TAS2R1: variants seen among roughly 807,000 people sequenced by gnomAD.
TAS2R1 encodes the protein taste 2 receptor member 1.
For missense variants in TAS2R1, 370 were observed against 353.4 expected, an observed-to-expected ratio of 1.05 and a Z score of -0.38; for synonymous variants, 141 against 134.2, an observed-to-expected ratio of 1.05 and a Z score of -0.35.
intron 1 of TAS2R1, among the ~76,000 whole-genome samples, chr5:9,700,838 G>A (rs147395066): frequency 8.6e-5 from 13 of 152,018 alleles, no homozygotes; most frequent in African/African-American, 2.4e-4. Context: ...TCAGGATGCC[G>A]GTCATGTTAG....
At chr5:9,886,058 G>A in the TAS2R1 span, among the ~76,000 whole-genome samples, 1 of 149,672 alleles carries the variant, frequency 6.7e-6, no homozygotes, top group Non-Finnish European at 1.5e-5. Flanking sequence ...TGGAGACGGA[G>A]TCTTGCTCTG....
At position 9,630,057 on chromosome 5, in the gene TAS2R1, T is replaced by A. The variant is rs1173694896; in HGVS notation, c.-25A>T. 2.7e-6 allele frequency: 4 copies of A among 1,509,258 alleles called. No individual in the cohort carries two copies. The highest frequency in any genetic ancestry group is 3.5e-6 in the Non-Finnish European group (4 of 1,131,046). The allele number at this position is 1,509,258 out of a possible 1,614,324, so 93.5% of individuals were successfully genotyped here. On this transcript the variant is annotated 5_prime_UTR_variant, in exon 1 of 1. Coordinates refer to ENST00000382492, the MANE Select transcript of TAS2R1 (RefSeq NM_019599.3). ...TTTTAGGAATAAAAAATTATTTACTTAAAAAATAATGAAGTTATAAAGTTT... is the reference window on the plus strand; with the variant it reads ...TTTTAGGAATAAAAAATTATTTACTAAAAAAATAATGAAGTTATAAAGTTT...
chr5:9,805,430 A>C, the TAS2R1 span, among the ~76,000 whole-genome samples: 30,036 of 151,934 alleles, frequency 0.2, 3,461 homozygotes, highest in Middle Eastern at 0.31. Context: ...AAACCAGGGA[A>C]AGACATAACC....
the TAS2R1 span, among the ~76,000 whole-genome samples, chr5:9,801,968 G>A: frequency 1.3e-5 from 2 of 152,124 alleles, no homozygotes; most frequent in African/African-American, 2.4e-5. Flanking sequence ...TGAAGACAAA[G>A]GTCATAATCT....
At chr5:9,780,673 A>ATGTG in the TAS2R1 span, among the ~76,000 whole-genome samples, 4,200 of 151,520 alleles carry the variant, frequency 0.028, 72 homozygotes, top group Middle Eastern at 0.038. Context: ...AACTAACAGA[A>ATGTG]TGTGTGTGTG....
chr5:9,836,981 G>T, the TAS2R1 span, among the ~76,000 whole-genome samples: 1 of 152,132 alleles, frequency 6.6e-6, no homozygotes, highest in African/African-American at 2.4e-5. Context: ...GATTTAATAC[G>T]TTATTTTATG....
At chr5:9,801,270 G>A in the TAS2R1 span, among the ~76,000 whole-genome samples, 1 of 152,350 alleles carries the variant, frequency 6.6e-6, no homozygotes, top group African/African-American at 2.4e-5. Flanking sequence ...GCCATTACCA[G>A]AACCTGAACA....
At chr5:9,782,284 T>C in the TAS2R1 span, among the ~76,000 whole-genome samples, 1 of 152,380 alleles carries the variant, frequency 6.6e-6, no homozygotes, top group East Asian at 1.9e-4. Context: ...TAGTCCTCTT[T>C]TCCCAAGGTT....
the TAS2R1 span, among the ~76,000 whole-genome samples, chr5:9,899,845 A>G: frequency 5.9e-5 from 9 of 152,114 alleles, no homozygotes; most frequent in Non-Finnish European, 7.4e-5. Context: ...AGATGTCCCA[A>G]TGGAGTCCAG....
intron 2 of TAS2R1, among the ~76,000 whole-genome samples, chr5:9,651,713 G>A (rs1351668113): frequency 1.4e-5 from 2 of 147,628 alleles, no homozygotes; most frequent in African/African-American, 5.0e-5. Context: ...GAGCATCCTT[G>A]GTGAGGGTAT....
the TAS2R1 span, among the ~76,000 whole-genome samples, chr5:9,771,842 G>A: frequency 6.6e-6 from 1 of 151,892 alleles, no homozygotes; most frequent in African/African-American, 2.4e-5. Context: ...TTTCTGAAGT[G>A]TCAGTTGTAA....
chr5:9,895,167 T>C, the TAS2R1 span, among the ~76,000 whole-genome samples: 16 of 151,990 alleles, frequency 1.1e-4, no homozygotes, highest in Admixed American at 5.2e-4. Context: ...AGGGGGGTGA[T>C]GGGGGAGAAG....
chr5:9,856,656 G>A, the TAS2R1 span, among the ~76,000 whole-genome samples: 1 of 152,188 alleles, frequency 6.6e-6, no homozygotes, highest in Non-Finnish European at 1.5e-5. Flanking sequence ...TCTCTATAGA[G>A]AAAATTGTCT....
At position 9,635,691 on chromosome 5, in the gene TAS2R1, T is replaced by C. The variant is rs1013662170; in HGVS notation, c.-80-5699A>G. On this transcript the variant is annotated intron_variant, in intron 2 of 2. Transcript: ENST00000506620. ...TTAAGCTGGAGAATTGTATATTTTATCCATTTCCTCTAGATTGTTTAGTTT... is the reference window on the plus strand; with the variant it reads ...TTAAGCTGGAGAATTGTATATTTTACCCATTTCCTCTAGATTGTTTAGTTT... Among the ~76,000 whole-genome samples the C allele has an allele frequency of 9.9e-5, 15 of 151,862 alleles. 1 individual carries two copies. Among genetic ancestry groups the C allele is most frequent in the Admixed American group, 9.2e-4 (14 of 15,246 alleles).
At chr5:9,680,955 C>T (rs561610485) in intron 1 of TAS2R1, among the ~76,000 whole-genome samples, 41 of 152,074 alleles carry the variant, frequency 2.7e-4, no homozygotes, top group Non-Finnish European at 5.4e-4. Context: ...CCCAACTGCT[C>T]GGAGGCAGAG....
At chr5:9,840,857 ATTTTTTTT>A in the TAS2R1 span, among the ~76,000 whole-genome samples, 8 of 132,102 alleles carry the variant, frequency 6.1e-5, no homozygotes, top group East Asian at 2.2e-4. Flanking sequence ...TTATTTATTT[ATTTTTTTT>A]TTTTTTTTTT....
At chr5:9,695,309 T>C (rs1265592087) in intron 1 of TAS2R1, among the ~76,000 whole-genome samples, 1 of 152,164 alleles carries the variant, frequency 6.6e-6, no homozygotes, top group African/African-American at 2.4e-5. Context: ...TGTTGAAGAT[T>C]CAGGGAAACT....
At chr5:9,679,587 C>T (rs1740955278) in intron 1 of TAS2R1, among the ~76,000 whole-genome samples, 1 of 152,134 alleles carries the variant, frequency 6.6e-6, no homozygotes, top group African/African-American at 2.4e-5. Context: ...GCTACCAATG[C>T]TGATACTACT....
At chr5:9,806,462 C>A in the TAS2R1 span, among the ~76,000 whole-genome samples, 1 of 152,024 alleles carries the variant, frequency 6.6e-6, no homozygotes, top group African/African-American at 2.4e-5. Context: ...GCAAAAAGAA[C>A]AAATCTGGAG....
Sources: allele counts gnomAD v4.1 joint callset (sites outside exome capture counted in the v4.1 genomes callset), GRCh38; gene constraint gnomAD v4.1.1; transcripts MANE v1.5; gene names NCBI Gene and HGNC (gene_info 2026-07-23, HGNC 2026-07-21).